The following APOBEC1 variants were observed in gnomAD, a reference collection of about 807,000 sequenced individuals.
APOBEC1 encodes the protein C->U-editing enzyme APOBEC-1.
Under a neutral mutation model 26.3 loss-of-function variants are expected in APOBEC1, and 22 were observed. That is an observed-to-expected ratio of 0.84 (90% CI 0.60 to 1.19). APOBEC1 has a LOEUF of 1.19. APOBEC1 is among the 50% of genes most tolerant of loss of function. The pLI is 0.00. For missense variants in APOBEC1, 253 were observed against 289.0 expected (o/e 0.88, Z 0.90); for synonymous variants, 77 against 95.3 (o/e 0.81, Z 1.12).
Position 7,663,328 on chromosome 12 carries a change from C to T in APOBEC1, c.16+2529G>A, listed in dbSNP as rs367725869. ...GTTTTTTTGCAGAGAGTGGTTCTAG[C>T]TGGGGAGAAGAACTAAAATGAGAAA... On this transcript the variant is annotated intron_variant, in intron 1 of 4. Transcript: ENST00000229304. Among the ~76,000 whole-genome samples the T allele has an allele frequency of 5.9e-5, 9 of 152,024 alleles. No individual in the cohort carries two copies. In the South Asian group the frequency reaches 8.3e-4, roughly 14 times the overall value.
chr12:7,667,166 C>CA (rs1196313760), upstream of APOBEC1, among the ~76,000 whole-genome samples: 1 of 152,114 alleles, frequency 6.6e-6, no homozygotes, highest in Non-Finnish European at 1.5e-5. Flanking sequence ...CCCGCCTCAG[C>CA]TTCCCAAAAT....
intron 1 of APOBEC1, among the ~76,000 whole-genome samples, chr12:7,660,368 G>GAAA (rs60757881): frequency 1.0e-5 from 1 of 97,178 alleles, no homozygotes; most frequent in Non-Finnish European, 2.1e-5. Context: ...AGGAAGGAAG[G>GAAA]AAGGAAGGAA....
At chr12:7,668,737 GTTTTTTTT>G (rs887679970), upstream of APOBEC1, among the ~76,000 whole-genome samples, 1 of 150,402 alleles carries the variant, frequency 6.6e-6, no homozygotes, top group Admixed American at 6.7e-5. Flanking sequence ...TTGTTTTTTT[GTTTTTTTT>G]TAAGACAGGG....
rs998624788 is a variant in APOBEC1 at position 7,652,976 on chromosome 12, C to T, written c.45-141G>A. On this transcript the variant is annotated intron_variant, in intron 2 of 4. Coordinates refer to ENST00000229304, the MANE Select transcript of APOBEC1 (RefSeq NM_001644.5). ...ATGGAGTCTCACACTGTTGCCCAGA[C>T]TGGAGTGCAGTGGTGCAATCTCAGC... 3.1e-5 allele frequency: 23 copies of T among 743,652 alleles called. No individual in the cohort carries two copies. The Admixed American group carries it at 3.9e-4, about 13-fold the overall frequency. 46.1% of individuals were successfully genotyped at this position (743,652 alleles called of 1,614,324 possible).
chr12:7,652,409 A>G lies in APOBEC1; in HGVS notation c.442+29T>C, dbSNP rs766165461. 7 of 1,581,538 alleles carry G rather than the reference A, an allele frequency of 4.4e-6. No individual in the cohort carries two copies. In the African/African-American group the frequency reaches 8.1e-5, roughly 18 times the overall value. On this transcript the variant is annotated intron_variant, in intron 3 of 4. Transcript: ENST00000229304. The stretch of plus-strand genomic sequence containing the variant: ...ACTATCACCACAGTCTGTTGTAAAC[A>G]ATGAAGTTTCTTTGTTTACTGTTTT...
At chr12:7,665,340 C>CAGGCTGG (rs1863878344) in intron 1 of APOBEC1, among the ~76,000 whole-genome samples, 1 of 152,066 alleles carries the variant, frequency 6.6e-6, no homozygotes, top group African/African-American at 2.4e-5. Flanking sequence ...CTCTGTTGCC[C>CAGGCTGG]AGGCTGGAGT....
At chr12:7,653,109 T>C (rs1322898282) in intron 2 of APOBEC1, among the ~76,000 whole-genome samples, 1 of 151,990 alleles carries the variant, frequency 6.6e-6, no homozygotes, top group Non-Finnish European at 1.5e-5. Context: ...TTTTTGTATT[T>C]TTAGTAGAGA....
intron 1 of APOBEC1, among the ~76,000 whole-genome samples, chr12:7,662,513 G>A (rs1052807794): frequency 2.0e-5 from 3 of 151,558 alleles, no homozygotes; most frequent in Admixed American, 6.6e-5. Flanking sequence ...AACCTGGGAG[G>A]TGGAGGTTAC....
At chr12:7,663,557 G>A (rs1414756418) in intron 1 of APOBEC1, among the ~76,000 whole-genome samples, 1 of 152,062 alleles carries the variant, frequency 6.6e-6, no homozygotes, top group Non-Finnish European at 1.5e-5. Flanking sequence ...CTACTCCGAG[G>A]GAGCCTTACA....
upstream of APOBEC1, among the ~76,000 whole-genome samples, chr12:7,669,519 G>A (rs1739920780): frequency 6.6e-6 from 1 of 152,066 alleles, no homozygotes; most frequent in South Asian, 2.1e-4. Context: ...ATACCCAAGA[G>A]TGAAATTGCT....
chr12:7,649,533 C>T lies in APOBEC1; in HGVS notation c.*14G>A, dbSNP rs748818802. The T allele has an allele frequency of 2.0e-5, 33 of 1,612,820 alleles. No homozygotes were observed. The highest frequency in any genetic ancestry group is 1.7e-4 in the Middle Eastern group (1 of 6,054). ...GCTTGTTCTTGAATCAGTACACACA[C>T]GGAATCATCCTATTCATCTCCAAGC... On this transcript the variant is annotated 3_prime_UTR_variant, in exon 5 of 5. Coordinates refer to ENST00000229304, the MANE Select transcript of APOBEC1 (RefSeq NM_001644.5).
intron 1 of APOBEC1, 69 bp from the exon 2 acceptor site, chr12:7,654,701 C>T (rs1863690045): frequency 6.9e-7 from 1 of 1,444,202 alleles, no homozygotes; most frequent in Non-Finnish European, 9.7e-7. Flanking sequence ...AAAAAGTGCT[C>T]TATTATTCCA....
At position 7,662,208 on chromosome 12, in the gene APOBEC1, T is replaced by C. The variant is rs745869734; in HGVS notation, c.16+3649A>G. Among the ~76,000 whole-genome samples the C allele has an allele frequency of 1.5e-3, 223 of 152,228 alleles. 2 individuals carry two copies. The highest frequency in any genetic ancestry group is 2.5e-3 in the Non-Finnish European group (171 of 68,014). On this transcript the variant is annotated intron_variant, in intron 1 of 4. Coordinates refer to ENST00000229304, the MANE Select transcript of APOBEC1 (RefSeq NM_001644.5). ...TGAGCCCAGGAGTTCGAGGCTACAG[T>C]GAGCCATGATCGCCATTGCACTCCA...
Position 7,649,683 on chromosome 12 carries a change from C to T in APOBEC1, c.575G>A (p.Cys192Tyr). 6.2e-7 allele frequency: 1 copy of T among 1,612,152 alleles called. No individual in the cohort carries two copies. ...TTGCCATCTTCTTGAAATCTTTAAA[C>T]AGGGTGGAAGACTCTGGAATAAAAA... is the stretch of plus-strand genomic sequence containing the variant. ...LHCIILSLPP[C>Y]LKISRRWQNH... Residue 192 changes from cysteine (C) to tyrosine (Y), a missense_variant, in exon 5 of 5, where the codon TGT (cysteine) becomes TAT (tyrosine). Transcript: ENST00000229304.
upstream of APOBEC1, among the ~76,000 whole-genome samples, chr12:7,667,374 C>G (rs762136015): frequency 6.6e-5 from 10 of 152,142 alleles, no homozygotes; most frequent in Non-Finnish European, 1.3e-4. Flanking sequence ...AAGTCTCCCT[C>G]TAGTGTCTCA....
intron 1 of APOBEC1, among the ~76,000 whole-genome samples, chr12:7,656,026 G>C (rs7137790): frequency 6.6e-6 from 1 of 151,718 alleles, no homozygotes; most frequent in African/African-American, 2.4e-5. Flanking sequence ...TTGTGGAGGC[G>C]TGTTCTCTCT....
chr12:7,664,931 A>G (rs1256505272), intron 1 of APOBEC1, among the ~76,000 whole-genome samples: 3 of 151,346 alleles, frequency 2.0e-5, no homozygotes, highest in Non-Finnish European at 4.4e-5. Context: ...TTGGTTAGGC[A>G]TGGTGGCTCA....
At chr12:7,668,932 G>A (rs758517626), upstream of APOBEC1, among the ~76,000 whole-genome samples, 3 of 151,840 alleles carry the variant, frequency 2.0e-5, no homozygotes, top group Non-Finnish European at 4.4e-5. Flanking sequence ...AGGTTTCACC[G>A]TGTTGGCCAG....
intron 4 of APOBEC1, among the ~76,000 whole-genome samples, chr12:7,650,364 G>A (rs1863621552): frequency 6.6e-6 from 1 of 152,126 alleles, no homozygotes; most frequent in African/African-American, 2.4e-5. Flanking sequence ...TTGCTGTGAT[G>A]GTGCCTGTGA....
Sources: gnomAD v4.1 joint callset for allele counts (sites outside exome capture counted in the v4.1 genomes callset) on GRCh38, gnomAD v4.1.1 for gene constraint, MANE v1.5 for transcripts, NCBI Gene and HGNC (gene_info 2026-07-23, HGNC 2026-07-21) for gene names.